Variants in SNX24 observed in about 807,000 individuals in gnomAD.
The protein encoded by SNX24 is sorting nexin-24.
SNX24 carries 22 observed loss-of-function variants against 28.7 expected under a neutral mutation model. The ratio of observed to expected loss-of-function variants is 0.77; its 90% CI spans 0.55 to 1.10. The LOEUF (loss-of-function observed/expected upper bound fraction) is 1.10, where lower values mean the gene tolerates loss of function less well. Among genes scored for constraint, SNX24 ranks in the 50% least tolerant of loss-of-function variants. SNX24 has a pLI of 0.00. For missense variants in SNX24, 221 were observed against 201.1 expected, an observed-to-expected ratio of 1.10 and a Z score of -0.60; for synonymous variants, 69 against 71.5, an observed-to-expected ratio of 0.96 and a Z score of 0.18.
At chr5:122,861,374 C>T (rs1322217437) in intron 1 of SNX24, among the ~76,000 whole-genome samples, 1 of 152,110 alleles carries the variant, frequency 6.6e-6, no homozygotes, top group East Asian at 1.9e-4. Flanking sequence ...TGACCCAGCC[C>T]TGCGAAGTAT....
At chr5:123,017,622 C>T (rs1473140302) in intron 5 of SNX24, among the ~76,000 whole-genome samples, 3 of 152,012 alleles carry the variant, frequency 2.0e-5, no homozygotes, top group Non-Finnish European at 4.4e-5. Context: ...CTTGTGGCTC[C>T]CACAGTTCCC....
intron 5 of SNX24, among the ~76,000 whole-genome samples, chr5:123,020,796 C>T (rs1291834051): frequency 6.6e-6 from 1 of 152,154 alleles, no homozygotes; most frequent in Non-Finnish European, 1.5e-5. Flanking sequence ...TCTTCTGGGC[C>T]ACTTCCTTCT....
chr5:122,851,913 C>T (rs1014912725), intron 1 of SNX24, among the ~76,000 whole-genome samples: 2 of 151,870 alleles, frequency 1.3e-5, no homozygotes, highest in Non-Finnish European at 2.9e-5. Flanking sequence ...TTTTAAAAAG[C>T]ATAACCAAAA....
chr5:122,940,692 C>G (rs778308545), intron 2 of SNX24, among the ~76,000 whole-genome samples: 16 of 152,184 alleles, frequency 1.1e-4, no homozygotes, highest in Non-Finnish European at 1.8e-4. Context: ...CTTCCCCAGC[C>G]TCCCGAGTAG....
At chr5:122,963,623 G>A (rs1333758394) in intron 3 of SNX24, among the ~76,000 whole-genome samples, 1 of 152,152 alleles carries the variant, frequency 6.6e-6, no homozygotes, top group Non-Finnish European at 1.5e-5. Context: ...ACATCCTTTA[G>A]ATATTTTTGA....
chr5:122,890,877 T>C, intron 1 of SNX24: 1 of 778,988 alleles, frequency 1.3e-6, no homozygotes, highest in Non-Finnish European at 1.8e-6. Flanking sequence ...TTAACTGTAA[T>C]CCTTTTTTGT....
At chr5:122,956,625 TG>T (rs1760229586) in intron 3 of SNX24, among the ~76,000 whole-genome samples, 2 of 152,200 alleles carry the variant, frequency 1.3e-5, no homozygotes, top group Admixed American at 1.3e-4. Flanking sequence ...TTATCTACAG[TG>T]GCTGTACCGT....
intron 1 of SNX24, among the ~76,000 whole-genome samples, chr5:122,921,387 G>T (rs366172): frequency 6.6e-6 from 1 of 152,202 alleles, no homozygotes; most frequent in East Asian, 1.9e-4. Flanking sequence ...GGCACTAATC[G>T]TGGTTGGAGG....
At chr5:122,948,726 G>A (rs1759803943) in intron 3 of SNX24, 1 of 152,092 alleles carries the variant, frequency 6.6e-6, no homozygotes. Context: ...GAGGTCCAGT[G>A]GAATTAAAAA....
chr5:122,995,055 A>T (rs1246890813), intron 3 of SNX24, among the ~76,000 whole-genome samples: 7 of 152,170 alleles, frequency 4.6e-5, no homozygotes, highest in African/African-American at 1.7e-4. Context: ...GATTGGATGG[A>T]AATTTCTTTA....
chr5:122,995,664 A>G (rs1204161252), intron 3 of SNX24, among the ~76,000 whole-genome samples: 1 of 152,184 alleles, frequency 6.6e-6, no homozygotes, highest in Non-Finnish European at 1.5e-5. Context: ...CTCTGTGTGT[A>G]TACCTGTAAA....
At chr5:122,905,783 G>A (rs1236066091) in intron 1 of SNX24, among the ~76,000 whole-genome samples, 2 of 152,168 alleles carry the variant, frequency 1.3e-5, no homozygotes, top group African/African-American at 4.8e-5. Context: ...ACAGGTTGCA[G>A]ATTTAGAGAT....
In SNX24 at chr5:123,008,243, C is replaced by A; in HGVS notation, c.*494C>A. 1.0e-6 allele frequency: 1 copy of A among 985,438 alleles called. No individual in the cohort carries two copies. Among genetic ancestry groups the A allele is most frequent in the Non-Finnish European group, 1.2e-6 (1 of 829,846 alleles). 61.0% of individuals were successfully genotyped at this position (985,438 alleles called of 1,614,324 possible). A position where few individuals can be genotyped will look rare whatever the true frequency, so the allele number is the denominator to read the frequency against. On this transcript the variant is annotated 3_prime_UTR_variant, in exon 7 of 7. Transcript: ENST00000261369. ...TGGCACCAGGAGACGGCCACAGACA[C>A]ACACTGCTAAATGTGAAGATGGAAC...
chr5:122,987,018 G>A (rs768528953), intron 3 of SNX24, among the ~76,000 whole-genome samples: 1 of 152,106 alleles, frequency 6.6e-6, no homozygotes, highest in Non-Finnish European at 1.5e-5. Context: ...AAGGAGGGAC[G>A]TTTTCTCCGC....
chr5:122,905,373 C>T (rs1315240936), intron 1 of SNX24, among the ~76,000 whole-genome samples: 1 of 152,200 alleles, frequency 6.6e-6, no homozygotes, highest in East Asian at 1.9e-4. Context: ...TTTGGGTCTT[C>T]ACTGTATTGA....
chr5:122,885,992 T>C (rs575914420), intron 1 of SNX24, among the ~76,000 whole-genome samples: 28 of 57,154 alleles, frequency 4.9e-4, no homozygotes, highest in African/African-American at 4.3e-3. Context: ...CGACCTGCTG[T>C]GTGGCTGGTT....
At chr5:122,951,329 C>T (rs1759935184) in intron 3 of SNX24, among the ~76,000 whole-genome samples, 2 of 148,662 alleles carry the variant, frequency 1.3e-5, no homozygotes, top group South Asian at 2.2e-4. Context: ...TGACTTTTGA[C>T]TTAAAGACCA....
intron 1 of SNX24, among the ~76,000 whole-genome samples, chr5:122,884,669 G>A (rs760660683): frequency 1.3e-5 from 2 of 152,148 alleles, no homozygotes; most frequent in Non-Finnish European, 2.9e-5. Flanking sequence ...AAGCAATAGA[G>A]ACTGTAAGGT....
At chr5:122,920,661 T>C (rs1235309321) in intron 1 of SNX24, among the ~76,000 whole-genome samples, 1 of 152,178 alleles carries the variant, frequency 6.6e-6, no homozygotes, top group African/African-American at 2.4e-5. Context: ...ATGTTATAGA[T>C]GATGCACAGC....
Sources: allele counts gnomAD v4.1 joint callset (sites outside exome capture counted in the v4.1 genomes callset), GRCh38; gene constraint gnomAD v4.1.1; transcripts MANE v1.5; gene names NCBI Gene and HGNC (gene_info 2026-07-23, HGNC 2026-07-21).